CDH13: variants seen among roughly 807,000 people sequenced by gnomAD.
CDH13 encodes the protein cadherin 13.
In CDH13, 24 loss-of-function variants were observed where a neutral mutation model predicts 63.8. The observed-to-expected ratio is 0.38, with a 90% CI of 0.27 to 0.53. The LOEUF (loss-of-function observed/expected upper bound fraction) is 0.53, where lower values mean the gene tolerates loss of function less well. Ranked by LOEUF, CDH13 falls within the 20% of genes least tolerant of loss-of-function variation. CDH13 has a pLI of 0.85. For missense variants in CDH13, 1,049 were observed against 903.1 expected (o/e 1.16, Z -2.07); for synonymous variants, 503 against 355.3 (o/e 1.42, Z -4.67).
intron 6 of CDH13, chr16:83,398,010 G>C (rs748146410): frequency 1.5e-5 from 2 of 130,488 alleles, no homozygotes; most frequent in Admixed American, 1.5e-4. Context: ...CTGCTGTCCT[G>C]GGGAAAAAAT....
intron 1 of CDH13, among the ~76,000 whole-genome samples, chr16:82,656,312 C>CGT (rs111540944): frequency 0.14 from 21,075 of 146,480 alleles, 2,059 homozygotes; most frequent in African/African-American, 0.27. Flanking sequence ...GAATGGTGTG[C>CGT]GTGTGTGTGT....
chr16:83,605,946 C>T (rs1245275039), intron 8 of CDH13, among the ~76,000 whole-genome samples: 7 of 152,086 alleles, frequency 4.6e-5, no homozygotes, highest in South Asian at 4.1e-4. Context: ...GATCAGGCCT[C>T]GGGACAAAAG....
At chr16:82,708,536 C>T (rs1157105214) in intron 1 of CDH13, among the ~76,000 whole-genome samples, 1 of 152,198 alleles carries the variant, frequency 6.6e-6, no homozygotes, top group Non-Finnish European at 1.5e-5. Flanking sequence ...GATGTCCTAT[C>T]TTGGATCTGG....
intron 9 of CDH13, among the ~76,000 whole-genome samples, chr16:83,675,418 C>G (rs902703326): frequency 6.6e-6 from 1 of 152,202 alleles, no homozygotes; most frequent in Non-Finnish European, 1.5e-5. Context: ...TCCCCTCCCT[C>G]TGTGGCTTCC....
At chr16:83,773,987 C>G (rs565729599) in intron 11 of CDH13, among the ~76,000 whole-genome samples, 1 of 152,190 alleles carries the variant, frequency 6.6e-6, no homozygotes, top group African/African-American at 2.4e-5. Flanking sequence ...GGCCTCAGCT[C>G]TGGGGTCTCA....
At chr16:83,291,418 G>A (rs968600466) in intron 5 of CDH13, among the ~76,000 whole-genome samples, 4 of 151,974 alleles carry the variant, frequency 2.6e-5, no homozygotes, top group Non-Finnish European at 5.9e-5. Context: ...GAGGTTTGGC[G>A]ACCCAGCTAC....
chr16:83,777,010 G>A (rs113917755), intron 11 of CDH13, among the ~76,000 whole-genome samples: 17 of 152,230 alleles, frequency 1.1e-4, no homozygotes, highest in Middle Eastern at 3.4e-3. Flanking sequence ...AGACTGAACC[G>A]CTGGTCTTCC....
chr16:83,135,265 C>T (rs530339081), intron 4 of CDH13, among the ~76,000 whole-genome samples: 7 of 152,180 alleles, frequency 4.6e-5, no homozygotes, highest in Non-Finnish European at 8.8e-5. Flanking sequence ...TCTTAAAGAA[C>T]GGCAATGCTG....
chr16:83,264,506 ATG>A (rs1057425952), intron 5 of CDH13, among the ~76,000 whole-genome samples: 18 of 151,124 alleles, frequency 1.2e-4, no homozygotes, highest in Non-Finnish European at 2.1e-4. Context: ...ATACACATGT[ATG>A]TGTGTGTATA....
chr16:83,658,590 C>T, intron 8 of CDH13, among the ~76,000 whole-genome samples: 1 of 148,606 alleles, frequency 6.7e-6, no homozygotes, highest in African/African-American at 2.5e-5. Context: ...CCAGCAAGGT[C>T]CCATATCCTC....
intron 3 of CDH13, among the ~76,000 whole-genome samples, chr16:83,090,080 G>A (rs182603513): frequency 1.4e-3 from 216 of 152,254 alleles, no homozygotes; most frequent in African/African-American, 5.1e-3. Context: ...ATCACCTCGC[G>A]TAGATTTGAG....
At chr16:83,183,145 T>A (rs1036989235) in intron 4 of CDH13, among the ~76,000 whole-genome samples, 58 of 152,216 alleles carry the variant, frequency 3.8e-4, no homozygotes, top group Non-Finnish European at 1.2e-4. Flanking sequence ...ATTCGTCTTA[T>A]TTGTATTTCA....
In CDH13 at chr16:82,637,428, C is replaced by CTTTTTTTTTTTTTTT. The variant is rs573088098; in HGVS notation, c.45+10297_45+10311dup. On this transcript the variant is annotated intron_variant, in intron 1 of 13. Transcript: ENST00000567109. ...GCTGAGGTCTGTACAGTTACTGTGC[C>CTTTTTTTTTTTTTTT]TTTTTTTTTTTTTTTTTTTTGAGAC... Among the ~76,000 whole-genome samples the CTTTTTTTTTTTTTTT allele has an allele frequency of 1.2e-3, 101 of 81,648 alleles. 16 individuals are homozygous for CTTTTTTTTTTTTTTT. Among genetic ancestry groups the CTTTTTTTTTTTTTTT allele is most frequent in the Non-Finnish European group, 1.6e-3 (73 of 45,662 alleles). 53.6% of individuals were successfully genotyped at this position (81,648 alleles called of 152,430 possible). A position where few individuals can be genotyped will look rare whatever the true frequency, so the allele number is the denominator to read the frequency against.
intron 3 of CDH13, among the ~76,000 whole-genome samples, chr16:83,063,607 G>T (rs1252578700): frequency 6.6e-6 from 1 of 152,172 alleles, no homozygotes; most frequent in Non-Finnish European, 1.5e-5. Context: ...TTGTAATAGG[G>T]TGTCTGGATT....
At chr16:83,379,828 G>T (rs940585707) in intron 6 of CDH13, among the ~76,000 whole-genome samples, 1 of 151,028 alleles carries the variant, frequency 6.6e-6, no homozygotes, top group Non-Finnish European at 1.5e-5. Flanking sequence ...TCAAAGGAAT[G>T]AACGAAATAT....
intron 4 of CDH13, among the ~76,000 whole-genome samples, chr16:83,132,443 A>AC (rs1343570969): frequency 3.9e-3 from 69 of 17,498 alleles, no homozygotes; most frequent in African/African-American, 6.7e-3. Flanking sequence ...CCACCCCCCA[A>AC]CACCCCCCCC....
chr16:82,913,959 G>C (rs556771412), intron 2 of CDH13, among the ~76,000 whole-genome samples: 5 of 151,814 alleles, frequency 3.3e-5, no homozygotes, highest in Non-Finnish European at 5.9e-5. Context: ...TGTAGACAGC[G>C]CTGGGGGATG....
At chr16:82,912,056 A>C (rs189683082) in intron 2 of CDH13, among the ~76,000 whole-genome samples, 1 of 151,536 alleles carries the variant, frequency 6.6e-6, no homozygotes, top group Non-Finnish European at 1.5e-5. Context: ...CTCTAATTCC[A>C]CGGCCGCCCC....
At position 82,951,232 on chromosome 16, in the gene CDH13, A is replaced by G. The variant is rs553965528; in HGVS notation, c.158-80778A>G. On this transcript the variant is annotated intron_variant, in intron 2 of 13. Coordinates refer to ENST00000567109, the MANE Select transcript of CDH13 (RefSeq NM_001257.5). ...TGAGACTGTGAGCTGGCAAGAGGATATCTCCTTCCCCCACATCCCTCACCC... is the reference window on the plus strand; with the variant it reads ...TGAGACTGTGAGCTGGCAAGAGGATGTCTCCTTCCCCCACATCCCTCACCC... 3.3e-5 allele frequency among the ~76,000 whole-genome samples: 5 copies of G among 152,256 alleles called. No individual in the cohort carries two copies. The South Asian group carries it at 6.2e-4, about 19-fold the overall frequency.
Sources: allele counts gnomAD v4.1 joint callset (sites outside exome capture counted in the v4.1 genomes callset), GRCh38; gene constraint gnomAD v4.1.1; transcripts MANE v1.5; gene names NCBI Gene and HGNC (gene_info 2026-07-23, HGNC 2026-07-21).